LPP: variants seen among roughly 807,000 people sequenced by gnomAD.
LPP encodes the protein lipoma-preferred partner.
LPP carries 38 observed loss-of-function variants against 60.4 expected under a neutral mutation model. The ratio of observed to expected loss-of-function variants is 0.63; its 90% CI spans 0.49 to 0.83. The LOEUF (loss-of-function observed/expected upper bound fraction) is 0.83. Among genes scored for constraint, LPP ranks in the 40% least tolerant of loss-of-function variants. The pLI, the probability that LPP is intolerant of heterozygous loss-of-function variation, is 0.00. For synonymous variants in LPP, 328 were observed against 290.8 expected (o/e 1.13, Z -1.30); for missense variants, 902 against 783.6 (o/e 1.15, Z -1.80).
At chr3:188,816,425 T>C (rs1465728562) in intron 9 of LPP, among the ~76,000 whole-genome samples, 1 of 152,108 alleles carries the variant, frequency 6.6e-6, no homozygotes, top group Non-Finnish European at 1.5e-5. Flanking sequence ...ATGGTCTTGA[T>C]CTCCTGACCT....
At chr3:188,642,522 A>G (rs576429433) in intron 7 of LPP, among the ~76,000 whole-genome samples, 2 of 152,334 alleles carry the variant, frequency 1.3e-5, no homozygotes, top group South Asian at 4.1e-4. Context: ...TTAATGTTAA[A>G]GATTCAGAGT....
chr3:188,650,462 C>G (rs921598690), intron 7 of LPP, among the ~76,000 whole-genome samples: 2 of 152,166 alleles, frequency 1.3e-5, no homozygotes, highest in African/African-American at 4.8e-5. Context: ...TTCTAAACCT[C>G]TTTTCTTGGT....
chr3:188,220,169 T>C (rs1430232514), intron 1 of LPP, among the ~76,000 whole-genome samples: 1 of 152,180 alleles, frequency 6.6e-6, no homozygotes, highest in East Asian at 1.9e-4. Flanking sequence ...ACCCACCATG[T>C]TGACAGGAGT....
chr3:188,204,428 A>G (rs1436994685), intron 1 of LPP, among the ~76,000 whole-genome samples: 2 of 152,166 alleles, frequency 1.3e-5, no homozygotes, highest in Non-Finnish European at 2.9e-5. Context: ...CAGGAGGGCA[A>G]CAGGGAATCT....
At chr3:188,334,422 CTTTTTTT>C (rs71167095) in intron 2 of LPP, among the ~76,000 whole-genome samples, 2 of 98,676 alleles carry the variant, frequency 2.0e-5, no homozygotes, top group African/African-American at 4.0e-5. Context: ...ATATTTCTTT[CTTTTTTT>C]TTTTTTTTTT....
At chr3:188,827,983 A>C (rs993929606) in intron 9 of LPP, among the ~76,000 whole-genome samples, 2 of 152,100 alleles carry the variant, frequency 1.3e-5, no homozygotes, top group African/African-American at 4.8e-5. Flanking sequence ...CCATCTGACC[A>C]CATTTTTCCC....
intron 8 of LPP, among the ~76,000 whole-genome samples, chr3:188,756,358 T>A (rs1393310431): frequency 6.6e-6 from 1 of 152,216 alleles, no homozygotes. Context: ...CTGCTCAGCA[T>A]TGGCAGCAAG....
At chr3:188,558,763 A>G (rs1365600903) in intron 6 of LPP, among the ~76,000 whole-genome samples, 4 of 152,238 alleles carry the variant, frequency 2.6e-5, no homozygotes, top group Admixed American at 2.6e-4. Flanking sequence ...TTCTCAAAAA[A>G]AGTGGAATAA....
At chr3:188,247,803 A>C (rs1282578100) in intron 2 of LPP, among the ~76,000 whole-genome samples, 4 of 143,718 alleles carry the variant, frequency 2.8e-5, no homozygotes, top group African/African-American at 1.1e-4. Flanking sequence ...CATCTCAGAA[A>C]AAAAAAAAAA....
chr3:188,645,401 C>T (rs1850927754), intron 7 of LPP, among the ~76,000 whole-genome samples: 1 of 152,134 alleles, frequency 6.6e-6, no homozygotes, highest in Non-Finnish European at 1.5e-5. Flanking sequence ...GATGGCCATC[C>T]TCAGTGCTTA....
In LPP at chr3:188,161,460, T is replaced by C. The variant is rs79982962; in HGVS notation, c.-190+7208T>C. Among the ~76,000 whole-genome samples, 21 of 152,296 alleles carry C rather than the reference T, an allele frequency of 1.4e-4. No individual in the cohort carries two copies. In the East Asian group the frequency reaches 3.7e-3, roughly 27 times the overall value. On this transcript the variant is annotated intron_variant, in intron 1 of 11. Coordinates refer to ENST00000617246, the MANE Select transcript of LPP (RefSeq NM_001375462.1). ...TATCCATCTTGGCTGGGGAAAAGAA[T>C]TTTTTTAATGTACACCAAAGTTTGT...
At chr3:188,342,813 T>A (rs763843815) in intron 3 of LPP, among the ~76,000 whole-genome samples, 27 of 152,224 alleles carry the variant, frequency 1.8e-4, no homozygotes, top group Non-Finnish European at 2.6e-4. Context: ...ATATATATAA[T>A]AAGAACACGT....
intron 3 of LPP, among the ~76,000 whole-genome samples, chr3:188,355,226 C>T (rs1277120782): frequency 6.6e-6 from 1 of 152,132 alleles, no homozygotes; most frequent in African/African-American, 2.4e-5. Context: ...CCATGCTGGT[C>T]TCGAACTCCT....
At chr3:188,372,311 T>C (rs937777041) in intron 3 of LPP, among the ~76,000 whole-genome samples, 4 of 152,192 alleles carry the variant, frequency 2.6e-5, no homozygotes, top group Non-Finnish European at 5.9e-5. Flanking sequence ...TATTCCTTAC[T>C]ATATAGATTT....
At position 188,534,446 on chromosome 3, in the gene LPP, A is replaced by G. The variant is rs904936094; in HGVS notation, c.429+9659A>G. Among the ~76,000 whole-genome samples the G allele has an allele frequency of 2.0e-5, 3 of 152,318 alleles. No homozygotes were observed. In the South Asian group the frequency reaches 6.2e-4, roughly 32 times the overall value. ...TGCAGAAGCACACATCACATTTGCA[A>G]AATTAAAGAGTGTTCTTGTTAGGAC... On this transcript the variant is annotated intron_variant, in intron 6 of 11. Transcript: ENST00000617246.
At chr3:188,801,081 G>T (rs970324361) in intron 9 of LPP, among the ~76,000 whole-genome samples, 1 of 152,070 alleles carries the variant, frequency 6.6e-6, no homozygotes, top group Non-Finnish European at 1.5e-5. Flanking sequence ...GAACAGAATA[G>T]ACCAATTATT....
At chr3:188,412,901 T>C (rs528746341) in intron 4 of LPP, among the ~76,000 whole-genome samples, 1 of 152,266 alleles carries the variant, frequency 6.6e-6, no homozygotes, top group African/African-American at 2.4e-5. Flanking sequence ...GAAACAGTTA[T>C]AGATGATTGC....
chr3:188,246,653 G>A (rs901225427), intron 2 of LPP, among the ~76,000 whole-genome samples: 1 of 152,078 alleles, frequency 6.6e-6, no homozygotes, highest in African/African-American at 2.4e-5. Context: ...TCCCCCACAG[G>A]GCAGGAGCAC....
At chr3:188,512,911 A>T (rs769963693) in intron 5 of LPP, among the ~76,000 whole-genome samples, 1 of 152,174 alleles carries the variant, frequency 6.6e-6, no homozygotes, top group Non-Finnish European at 1.5e-5. Context: ...TTGAGGTTTT[A>T]AAAAACAAAA....
Sources: gnomAD v4.1 joint callset for allele counts (sites outside exome capture counted in the v4.1 genomes callset) on GRCh38, gnomAD v4.1.1 for gene constraint, MANE v1.5 for transcripts, NCBI Gene and HGNC (gene_info 2026-07-23, HGNC 2026-07-21) for gene names.